BRINP2: variants seen among roughly 807,000 people sequenced by gnomAD.
BRINP2 encodes the protein BMP/retinoic acid-inducible neural-specific protein 2.
Under a neutral mutation model 69.2 loss-of-function variants are expected in BRINP2, and 21 were observed. The observed-to-expected ratio is 0.30, with a 90% CI of 0.22 to 0.44. BRINP2 has a LOEUF of 0.44. Ranked by LOEUF, BRINP2 falls within the 20% of genes least tolerant of loss-of-function variation. The pLI is 1.00. For missense variants in BRINP2, 877 were observed against 986.0 expected (o/e 0.89, Z 1.48); for synonymous variants, 380 against 394.1 (o/e 0.96, Z 0.42).
intron 1 of BRINP2, among the ~76,000 whole-genome samples, chr1:177,175,277 T>C (rs1351125856): frequency 1.4e-5 from 2 of 143,938 alleles, no homozygotes; most frequent in African/African-American, 5.8e-5. Context: ...GAGGAGACCA[T>C]GGAAAAGCGG....
In BRINP2 at chr1:177,174,728, C is replaced by A. The variant is rs1648037370; in HGVS notation, c.-77+2996C>A. On this transcript the variant is annotated intron_variant, in intron 1 of 7. Coordinates refer to ENST00000361539, the MANE Select transcript of BRINP2 (RefSeq NM_021165.4). ...CTTGCTTGATTCCTTGGGGTTTACC[C>A]TGGGCTACCTTTCTTTTCTGCATTC... is the stretch of plus-strand genomic sequence containing the variant. 2.0e-5 allele frequency among the ~76,000 whole-genome samples: 3 copies of A among 152,178 alleles called. No individual in the cohort carries two copies. In the South Asian group the frequency reaches 6.2e-4, roughly 32 times the overall value.
intron 1 of BRINP2, among the ~76,000 whole-genome samples, chr1:177,193,754 C>T (rs1261284223): frequency 1.3e-5 from 2 of 152,180 alleles, no homozygotes; most frequent in Non-Finnish European, 2.9e-5. Context: ...ACAGCAGACA[C>T]TGTTGGGGCA....
intron 1 of BRINP2, among the ~76,000 whole-genome samples, chr1:177,185,118 A>C (rs967808681): frequency 1.3e-5 from 2 of 152,100 alleles, no homozygotes; most frequent in Non-Finnish European, 2.9e-5. Context: ...AACGTCGCCT[A>C]AGTGGTTAAT....
chr1:177,245,102 C>T (rs1425373107), intron 2 of BRINP2, among the ~76,000 whole-genome samples: 1 of 152,058 alleles, frequency 6.6e-6, no homozygotes, highest in African/African-American at 2.4e-5. Context: ...TATAAAGTAT[C>T]TACTTCCATT....
intron 1 of BRINP2, among the ~76,000 whole-genome samples, chr1:177,186,655 G>T (rs888146930): frequency 2.0e-5 from 3 of 151,972 alleles, no homozygotes; most frequent in Admixed American, 2.0e-4. Flanking sequence ...CCAGATCCTG[G>T]ATCTCTTCCA....
intron 1 of BRINP2, among the ~76,000 whole-genome samples, chr1:177,178,844 G>T (rs1042373252): frequency 3.3e-5 from 5 of 152,166 alleles, no homozygotes; most frequent in Non-Finnish European, 7.3e-5. Context: ...CCCTCAAGTT[G>T]CTTCCATTCT....
At chr1:177,187,425 A>G (rs1216127879) in intron 1 of BRINP2, among the ~76,000 whole-genome samples, 2 of 152,168 alleles carry the variant, frequency 1.3e-5, no homozygotes, top group Non-Finnish European at 2.9e-5. Context: ...GAAGAGCACA[A>G]GTTTTTTTCT....
chr1:177,224,454 A>G (rs1649634302), intron 1 of BRINP2, among the ~76,000 whole-genome samples: 1 of 152,166 alleles, frequency 6.6e-6, no homozygotes, highest in African/African-American at 2.4e-5. Flanking sequence ...TGCCCCTTAT[A>G]TTTGCATAGA....
At chr1:177,256,281 C>A (rs1218810624) in intron 3 of BRINP2, 172 bp downstream of exon 3, 3 of 979,340 alleles carry the variant, frequency 3.1e-6, no homozygotes, top group East Asian at 2.3e-4. Context: ...CAATTTACCC[C>A]AGAACATCTC....
intron 1 of BRINP2, among the ~76,000 whole-genome samples, chr1:177,176,565 G>A (rs1648093841): frequency 6.7e-6 from 1 of 149,634 alleles, no homozygotes; most frequent in East Asian, 1.9e-4. Context: ...TTTGGATAGT[G>A]TTAACAAAGG....
intron 1 of BRINP2, among the ~76,000 whole-genome samples, chr1:177,186,957 A>T (rs1648445924): frequency 6.6e-6 from 1 of 152,190 alleles, no homozygotes; most frequent in Non-Finnish European, 1.5e-5. Context: ...GCCTGAGGTT[A>T]CACAAGTGGG....
chr1:177,185,732 GAGATTACAA>G (rs559997203), intron 1 of BRINP2, among the ~76,000 whole-genome samples: 37 of 152,154 alleles, frequency 2.4e-4, no homozygotes, highest in Non-Finnish European at 4.9e-4. Flanking sequence ...TAATTCCCTA[GAGATTACAA>G]AGGTAGGAAG....
rs1278654488 is a variant in BRINP2, at chr1:177,273,526, C to T, written c.708C>T (p.Asn236=). The T allele has an allele frequency of 1.2e-6, 2 of 1,610,524 alleles. No homozygotes were observed. Among genetic ancestry groups the T allele is most frequent in the African/African-American group, 2.7e-5 (2 of 74,556 alleles). Residue 236 remains asparagine, a synonymous_variant, in exon 5 of 8, where the codon AAC becomes AAT. Transcript: ENST00000361539. ...GGACCGGTCCTCTGGGCTGCAGCAA[C>T]TATGACAATCTGGACTCAGTCAGTT... is the stretch of plus-strand genomic sequence containing the variant. ...ETRTGPLGCS[N]YDNLDSVSSV... is the part of the protein sequence containing the mutation.
chr1:177,255,856 G>T (rs1650738977), intron 2 of BRINP2, 63 bp from the exon 3 acceptor site: 5 of 1,526,618 alleles, frequency 3.3e-6, no homozygotes, highest in Non-Finnish European at 4.5e-6. Flanking sequence ...ACCTACTTCA[G>T]ATTTTATGCC....
chr1:177,278,983 G>A (rs1212854970), intron 7 of BRINP2, among the ~76,000 whole-genome samples, 198 bp downstream of exon 7: 1 of 152,144 alleles, frequency 6.6e-6, no homozygotes, highest in East Asian at 1.9e-4. Flanking sequence ...AAAAAGATGG[G>A]CTGATTTTAC....
chr1:177,217,986 A>G (rs1571904810), intron 1 of BRINP2, among the ~76,000 whole-genome samples: 1 of 152,334 alleles, frequency 6.6e-6, no homozygotes, highest in East Asian at 1.9e-4. Flanking sequence ...GTTGGGATGA[A>G]TGGACTAACT....
intron 1 of BRINP2, among the ~76,000 whole-genome samples, chr1:177,207,861 T>C (rs1649110343): frequency 6.6e-6 from 1 of 152,000 alleles, no homozygotes; most frequent in African/African-American, 2.4e-5. Flanking sequence ...AGAAGCTAAA[T>C]CTAGACAGGA....
Position 177,191,876 on chromosome 1 carries a change from C to T in BRINP2, c.-77+20144C>T, listed in dbSNP as rs543649624. ...AGTTCTCCAACAACAAATTTTTAAGCTAGAAATTTACAATGAATCACCTTT... is the reference window on the plus strand; with the variant it reads ...AGTTCTCCAACAACAAATTTTTAAGTTAGAAATTTACAATGAATCACCTTT... On this transcript the variant is annotated intron_variant, in intron 1 of 7. Transcript: ENST00000361539. Among the ~76,000 whole-genome samples the T allele has an allele frequency of 2.0e-5, 3 of 152,278 alleles. No individual in the cohort carries two copies. The East Asian group carries it at 5.8e-4, about 29-fold the overall frequency.
At chr1:177,212,206 G>A (rs1649243101) in intron 1 of BRINP2, among the ~76,000 whole-genome samples, 1 of 152,126 alleles carries the variant, frequency 6.6e-6, no homozygotes, top group Admixed American at 6.5e-5. Context: ...GCCCTTTCAA[G>A]GTGGCTCTGT....
Sources: allele counts gnomAD v4.1 joint callset (sites outside exome capture counted in the v4.1 genomes callset), GRCh38; gene constraint gnomAD v4.1.1; transcripts MANE v1.5; gene names NCBI Gene and HGNC (gene_info 2026-07-23, HGNC 2026-07-21).